MNS1: variants seen among roughly 807,000 people sequenced by gnomAD.
MNS1 encodes the protein meiosis specific nuclear structural 1.
In MNS1, 63 loss-of-function variants were observed where a neutral mutation model predicts 72.0. The ratio of observed to expected loss-of-function variants is 0.87; its 90% CI spans 0.71 to 1.08. MNS1 has a LOEUF of 1.08. MNS1 is among the 50% of genes least tolerant of loss of function. The probability of loss-of-function intolerance (pLI) is 0.00; values close to 1 mark genes in which losing one functional copy is unlikely to be tolerated. For synonymous variants in MNS1, 188 were observed against 172.1 expected, an observed-to-expected ratio of 1.09 and a Z score of -0.72; for missense variants, 604 against 562.4, an observed-to-expected ratio of 1.07 and a Z score of -0.75.
intron 2 of MNS1, among the ~76,000 whole-genome samples, chr15:56,457,529 A>G (rs2050988995): frequency 6.6e-6 from 1 of 152,190 alleles, no homozygotes. Flanking sequence ...GTTTGATATA[A>G]AACTAACATG....
At chr15:56,446,731 G>C (rs956902311) in intron 4 of MNS1, 110 bp downstream of exon 4, 4 of 725,868 alleles carry the variant, frequency 5.5e-6, no homozygotes, top group Non-Finnish European at 8.7e-6. Flanking sequence ...AAATATTTAA[G>C]AAATCTAGCA....
rs1253404562 is a variant in MNS1, at chr15:56,428,997, A to G, written c.*104T>C. 16 of 606,462 alleles carry G rather than the reference A, an allele frequency of 2.6e-5. No homozygotes were observed. The highest frequency in any genetic ancestry group is 3.6e-5 in the Non-Finnish European group (13 of 360,592). The allele number at this position is 606,462 out of a possible 1,614,324, so 37.6% of individuals were successfully genotyped here. On this transcript the variant is annotated 3_prime_UTR_variant, in exon 10 of 10. Transcript: ENST00000260453. ...ATTCAGTGATGATTTACAAAATCCA[A>G]ACAGACAATGGATACCTAATGCCAC...
chr15:56,449,757 A>G (rs2140368197), intron 3 of MNS1, among the ~76,000 whole-genome samples: 1 of 152,284 alleles, frequency 6.6e-6, no homozygotes, highest in Admixed American at 6.5e-5. Context: ...ACATTTAGCT[A>G]TTTCTTCTTG....
In MNS1 at chr15:56,434,219, T is replaced by C. The variant is rs1441888144; in HGVS notation, c.1188A>G (p.Lys396=). ...TGTGTTCCAGCTGCTTCATTCTTTGTTTCTGAGCATTCATTAATTCTATTC... is the reference window on the plus strand; with the variant it reads ...TGTGTTCCAGCTGCTTCATTCTTTGCTTCTGAGCATTCATTAATTCTATTC... ...DDRIELMNAQ[K]QRMKQLEHRR... The change falls in exon 8 of 10, where the codon AAA becomes AAG. Residue 396 remains lysine (K), a synonymous_variant. Coordinates refer to ENST00000260453, the MANE Select transcript of MNS1 (RefSeq NM_018365.4). 1 of 1,613,988 alleles carries C rather than the reference T, an allele frequency of 6.2e-7. No homozygotes were observed. The highest frequency in any genetic ancestry group is 8.5e-7 in the Non-Finnish European group (1 of 1,179,930).
At chr15:56,450,724 G>A (rs1365319208) in intron 3 of MNS1, among the ~76,000 whole-genome samples, 1 of 152,214 alleles carries the variant, frequency 6.6e-6, no homozygotes, top group Non-Finnish European at 1.5e-5. Flanking sequence ...TTGTATACAA[G>A]TATCCATTTA....
chr15:56,444,683 A>C lies in MNS1; in HGVS notation c.457-10T>G, dbSNP rs528384773. On this transcript the variant is annotated splice_polypyrimidine_tract_variant and intron_variant, in intron 4 of 9. Coordinates refer to ENST00000260453, the MANE Select transcript of MNS1 (RefSeq NM_018365.4). ...TTTCAGCATCACGTTTCTGTTATTA[A>C]AACAAAATTGATCTTTCCGTTTTCA... 6.9e-6 allele frequency: 11 copies of C among 1,602,112 alleles called. No individual in the cohort carries two copies. The South Asian group carries it at 1.1e-4, about 16-fold the overall frequency.
intron 3 of MNS1, among the ~76,000 whole-genome samples, chr15:56,455,049 G>A (rs2050971818): frequency 6.6e-6 from 1 of 152,060 alleles, no homozygotes; most frequent in Non-Finnish European, 1.5e-5. Flanking sequence ...ACCTCTAGAG[G>A]AAATGCCACT....
intron 7 of MNS1, 147 bp from the exon 8 acceptor site, chr15:56,434,542 C>T (rs2050685968): frequency 1.1e-6 from 1 of 871,852 alleles, no homozygotes; most frequent in Non-Finnish European, 1.7e-6. Context: ...TAACTTTGTC[C>T]ATCCCTTTAA....
chr15:56,460,009 A>AAAAAATATATATATATAT lies in MNS1; in HGVS notation c.226-3489_226-3488insATATATATATATATTTTT. ...CTGTCTCAAAAAAAAAAAAAAAAAA[A>AAAAAATATATATATATAT]ATACATATATATATATATATATATA... is the stretch of plus-strand genomic sequence containing the variant. On this transcript the variant is annotated intron_variant, in intron 2 of 9. Transcript: ENST00000260453. Among the ~76,000 whole-genome samples, 3 of 26,386 alleles carry AAAAAATATATATATATAT rather than the reference A, an allele frequency of 1.1e-4. 1 individual carries two copies. Among genetic ancestry groups the AAAAAATATATATATATAT allele is most frequent in the African/African-American group, 1.5e-4 (1 of 6,652 alleles). 17.3% of individuals were successfully genotyped at this position (26,386 alleles called of 152,430 possible).
At chr15:56,435,725 G>C (rs1329819945) in intron 7 of MNS1, among the ~76,000 whole-genome samples, 1 of 151,872 alleles carries the variant, frequency 6.6e-6, no homozygotes, top group African/African-American at 2.4e-5. Flanking sequence ...GGTTTCACTA[G>C]AAAATTCTAT....
At chr15:56,438,422 G>A (rs1186674315) in intron 7 of MNS1, among the ~76,000 whole-genome samples, 1 of 151,964 alleles carries the variant, frequency 6.6e-6, no homozygotes, top group Admixed American at 6.5e-5. Context: ...AAATGGTGCT[G>A]GAAAAACTGG....
At chr15:56,434,424 G>T (rs749346509) in intron 7 of MNS1, 29 bp from the exon 8 acceptor site, 4 of 1,584,396 alleles carry the variant, frequency 2.5e-6, no homozygotes, top group Non-Finnish European at 3.4e-6. Context: ...AGTTAATTTA[G>T]TAACTATTTC....
At chr15:56,432,362 A>G (rs183303608) in intron 8 of MNS1, among the ~76,000 whole-genome samples, 22 of 152,326 alleles carry the variant, frequency 1.4e-4, no homozygotes, top group African/African-American at 5.3e-4. Flanking sequence ...CCTCCTGGGA[A>G]GTTTCAGATT....
chr15:56,431,410 T>A lies in MNS1; in HGVS notation c.1358A>T (p.Lys453Ile). The A allele has an allele frequency of 6.2e-7, 1 of 1,613,488 alleles. No homozygotes were observed. The highest frequency in any genetic ancestry group is 1.3e-5 in the African/African-American group (1 of 75,030). ...GCCTAGTAAGTTTGTAGCATGCTCTTTAAGAAGTTTTAGCCTTTCTTCTTC... is the reference window on the plus strand; with the variant it reads ...GCCTAGTAAGTTTGTAGCATGCTCTATAAGAAGTTTTAGCCTTTCTTCTTC... Reference protein sequence around the residue: ...IIEEERLKLLKEHATNLLGYL... With the variant: ...IIEEERLKLLIEHATNLLGYL... The change falls in exon 9 of 10, where the codon AAA (lysine) becomes ATA (isoleucine). Residue 453 changes from lysine to isoleucine, a missense_variant. Lys to Ile is a moderately radical substitution (Grantham distance 102). Coordinates refer to ENST00000260453, the MANE Select transcript of MNS1 (RefSeq NM_018365.4).
chr15:56,438,285 A>G (rs2050762301), intron 7 of MNS1, among the ~76,000 whole-genome samples: 2 of 152,188 alleles, frequency 1.3e-5, no homozygotes, highest in South Asian at 2.1e-4. Flanking sequence ...CCAATGGAAC[A>G]GAACAGAGCC....
intron 2 of MNS1, among the ~76,000 whole-genome samples, chr15:56,462,142 T>C (rs1328874662): frequency 6.6e-6 from 1 of 151,940 alleles, no homozygotes; most frequent in Middle Eastern, 3.2e-3. Context: ...AGTGCTAGAA[T>C]TATATGGGTG....
chr15:56,452,070 C>G (rs912049377), intron 3 of MNS1, among the ~76,000 whole-genome samples: 1 of 152,168 alleles, frequency 6.6e-6, no homozygotes, highest in Admixed American at 6.5e-5. Context: ...CTTATATCTT[C>G]TTTCTACTTG....
chr15:56,436,612 A>T (rs1374811995), intron 7 of MNS1, among the ~76,000 whole-genome samples: 2 of 152,206 alleles, frequency 1.3e-5, no homozygotes, highest in Non-Finnish European at 2.9e-5. Context: ...AGATCAGAGC[A>T]GAACTGAAGG....
At chr15:56,430,697 T>G (rs1330856851) in intron 9 of MNS1, among the ~76,000 whole-genome samples, 3 of 152,174 alleles carry the variant, frequency 2.0e-5, no homozygotes, top group South Asian at 4.2e-4. Flanking sequence ...ATTCTCATCT[T>G]TGGCATGTAA....
Sources: gnomAD v4.1 joint callset for allele counts (sites outside exome capture counted in the v4.1 genomes callset) on GRCh38, gnomAD v4.1.1 for gene constraint, MANE v1.5 for transcripts, NCBI Gene and HGNC (gene_info 2026-07-23, HGNC 2026-07-21) for gene names.